The following C16orf78 variants were observed in gnomAD, a reference collection of about 807,000 sequenced individuals.
C16orf78 encodes the protein uncharacterized protein C16orf78.
In C16orf78, 19 loss-of-function variants were observed where a neutral mutation model predicts 27.3. The observed-to-expected ratio is 0.70, with a 90% CI of 0.49 to 1.02. The LOEUF (loss-of-function observed/expected upper bound fraction) is 1.02. Ranked by LOEUF, C16orf78 falls within the 50% of genes least tolerant of loss-of-function variation. The probability of loss-of-function intolerance (pLI) is 0.00; values close to 1 mark genes in which losing one functional copy is unlikely to be tolerated. For synonymous variants in C16orf78, 130 were observed against 116.1 expected (o/e 1.12, Z -0.77); for missense variants, 339 against 337.0 (o/e 1.01, Z -0.05).
chr16:49,390,570 C>A (rs775490946), intron 3 of C16orf78, among the ~76,000 whole-genome samples: 1 of 152,242 alleles, frequency 6.6e-6, no homozygotes, highest in Non-Finnish European at 1.5e-5. Context: ...CAATTTGGGT[C>A]ATTTTAAATC....
Position 49,399,197 on chromosome 16 carries a change from T to C in C16orf78, c.717T>C (p.Asn239=). 3 of 1,614,200 alleles carry C rather than the reference T, an allele frequency of 1.9e-6. No individual in the cohort carries two copies. Among genetic ancestry groups the C allele is most frequent in the Non-Finnish European group, 2.5e-6 (3 of 1,180,032 alleles). Residue 239 remains asparagine (N), a synonymous_variant, in exon 5 of 5, where the codon AAT becomes AAC. Transcript: ENST00000299191. ...LLKLCKDAGM[N]VDIHPHMVEE... ...AGTTGTGCAAGGATGCAGGAATGAA[T>C]GTGGATATCCACCCCCACATGGTCG...
At chr16:49,380,772 C>A (rs955391097) in intron 3 of C16orf78, among the ~76,000 whole-genome samples, 1 of 151,986 alleles carries the variant, frequency 6.6e-6, no homozygotes, top group Admixed American at 6.5e-5. Flanking sequence ...TTAGGTCTAA[C>A]GTTTAAGTCT....
rs775748881 is a variant in C16orf78, at chr16:49,373,908, C to T, written c.-32C>T. On this transcript the variant is annotated 5_prime_UTR_variant, in exon 1 of 5. Coordinates refer to ENST00000299191, the MANE Select transcript of C16orf78 (RefSeq NM_144602.4). ...CGAAAGAGTGAGACAGTGCCAGCCACCTCCCACCCAAGCCACTAGCAAGAC... is the reference window on the plus strand; with the variant it reads ...CGAAAGAGTGAGACAGTGCCAGCCATCTCCCACCCAAGCCACTAGCAAGAC... 1.2e-6 allele frequency: 2 copies of T among 1,612,856 alleles called. No homozygotes were observed. Among genetic ancestry groups the T allele is most frequent in the East Asian group, 4.5e-5 (2 of 44,866 alleles).
rs544973806 is a variant in C16orf78 at position 49,377,980 on chromosome 16, C to T, written c.270+130C>T. ...GGCTCCGAAATTCACTCTGGCCCCA[C>T]ATTAACACTCAAATAAAATCTCCAC... On this transcript the variant is annotated intron_variant, in intron 2 of 4. Transcript: ENST00000299191. 5.2e-5 allele frequency: 65 copies of T among 1,260,930 alleles called. No homozygotes were observed. The East Asian group carries it at 1.6e-3, about 31-fold the overall frequency. 78.1% of individuals were successfully genotyped at this position (1,260,930 alleles called of 1,614,324 possible). A position where few individuals can be genotyped will look rare whatever the true frequency, so the allele number is the denominator to read the frequency against.
At chr16:49,391,535 G>T (rs191464607) in intron 3 of C16orf78, among the ~76,000 whole-genome samples, 1 of 152,282 alleles carries the variant, frequency 6.6e-6, no homozygotes, top group African/African-American at 2.4e-5. Flanking sequence ...GACAATGTGG[G>T]CTCATGTCCT....
intron 3 of C16orf78, among the ~76,000 whole-genome samples, chr16:49,383,392 C>T (rs74018759): frequency 0.011 from 1,603 of 152,296 alleles, 29 homozygotes; most frequent in African/African-American, 0.036. Context: ...GCTTGGGTTG[C>T]CATAGTCAAA....
At chr16:49,377,541 G>A (rs769440319) in intron 1 of C16orf78, among the ~76,000 whole-genome samples, 190 bp from the exon 2 acceptor site, 1 of 152,118 alleles carries the variant, frequency 6.6e-6, no homozygotes, top group Non-Finnish European at 1.5e-5. Context: ...AGTCGCTCTG[G>A]GGGCGGCGAC....
chr16:49,394,426 A>G (rs1177777586), intron 3 of C16orf78, among the ~76,000 whole-genome samples: 2 of 152,126 alleles, frequency 1.3e-5, no homozygotes, highest in African/African-American at 2.4e-5. Context: ...CTAAGAACAC[A>G]ATTTATTACA....
At chr16:49,390,289 T>C (rs1000752273) in intron 3 of C16orf78, among the ~76,000 whole-genome samples, 1 of 152,228 alleles carries the variant, frequency 6.6e-6, no homozygotes, top group African/African-American at 2.4e-5. Context: ...ATTTGACAAA[T>C]TTTTGGACAT....
chr16:49,375,316 C>T (rs562563776), intron 1 of C16orf78, among the ~76,000 whole-genome samples: 1 of 151,828 alleles, frequency 6.6e-6, no homozygotes, highest in Admixed American at 6.6e-5. Context: ...ATACCTGAGA[C>T]TGGGTCATTT....
At chr16:49,398,681 C>T (rs1965505268) in intron 4 of C16orf78, among the ~76,000 whole-genome samples, 1 of 152,130 alleles carries the variant, frequency 6.6e-6, no homozygotes, top group South Asian at 2.1e-4. Flanking sequence ...TTCCTAATGC[C>T]ATTCTAACTG....
At chr16:49,386,258 G>A (rs912624514) in intron 3 of C16orf78, among the ~76,000 whole-genome samples, 4 of 152,066 alleles carry the variant, frequency 2.6e-5, no homozygotes, top group Non-Finnish European at 5.9e-5. Flanking sequence ...TAATAGTAGG[G>A]GACTTTAACA....
chr16:49,377,882 C>T lies in C16orf78; in HGVS notation c.270+32C>T, dbSNP rs371304670. 3 of 1,551,656 alleles carry T rather than the reference C, an allele frequency of 1.9e-6. No individual in the cohort carries two copies. In the Admixed American group the frequency reaches 5.9e-5, roughly 30 times the overall value. ...CAGCCCCTCTTCCCCCACTCACCCC[C>T]ACTGGGTCTCCAAATGGAGGAGGGG... On this transcript the variant is annotated intron_variant, in intron 2 of 4. Transcript: ENST00000299191.
chr16:49,382,706 A>C (rs1965302177), intron 3 of C16orf78, among the ~76,000 whole-genome samples: 2 of 152,182 alleles, frequency 1.3e-5, no homozygotes, highest in Non-Finnish European at 2.9e-5. Flanking sequence ...TGAGTCTGAG[A>C]GTGAACACCT....
intron 1 of C16orf78, among the ~76,000 whole-genome samples, chr16:49,375,370 T>C (rs1298835699): frequency 1.3e-5 from 2 of 152,122 alleles, no homozygotes; most frequent in Non-Finnish European, 2.9e-5. Context: ...GGCTCATGGC[T>C]GTACAAGAAG....
intron 1 of C16orf78, among the ~76,000 whole-genome samples, chr16:49,376,172 C>G (rs1965214630): frequency 6.6e-6 from 1 of 152,198 alleles, no homozygotes; most frequent in African/African-American, 2.4e-5. Context: ...ACTCAGGGCC[C>G]TCTGTGACCT....
At chr16:49,387,311 T>C (rs1227333154) in intron 3 of C16orf78, among the ~76,000 whole-genome samples, 1 of 151,600 alleles carries the variant, frequency 6.6e-6, no homozygotes, top group Non-Finnish European at 1.5e-5. Flanking sequence ...TTGTCGTTTC[T>C]TTCTTGTAAG....
intron 3 of C16orf78, among the ~76,000 whole-genome samples, chr16:49,382,179 C>A (rs1344039138): frequency 6.6e-6 from 1 of 152,092 alleles, no homozygotes; most frequent in Non-Finnish European, 1.5e-5. Flanking sequence ...AAACCAAACA[C>A]CGCATATTCT....
chr16:49,376,608 T>C (rs904415412), intron 1 of C16orf78, among the ~76,000 whole-genome samples: 5 of 152,186 alleles, frequency 3.3e-5, no homozygotes, highest in African/African-American at 1.2e-4. Flanking sequence ...ACTTGCAACA[T>C]GGAGCAGGCC....
Sources: gnomAD v4.1 joint callset for allele counts (sites outside exome capture counted in the v4.1 genomes callset) on GRCh38, gnomAD v4.1.1 for gene constraint, MANE v1.5 for transcripts, NCBI Gene and HGNC (gene_info 2026-07-23, HGNC 2026-07-21) for gene names.